RSBN1L: variants seen among roughly 807,000 people sequenced by gnomAD.
RSBN1L encodes the protein lysine-specific demethylase RSBN1L.
Under a neutral mutation model 67.7 loss-of-function variants are expected in RSBN1L, and 30 were observed. The observed-to-expected ratio is 0.44, with a 90% CI of 0.33 to 0.60. The LOEUF is 0.60. Ranked by LOEUF, RSBN1L falls within the 20% of genes least tolerant of loss-of-function variation. The probability of loss-of-function intolerance (pLI) is 0.02; values close to 1 mark genes in which losing one functional copy is unlikely to be tolerated. For synonymous variants in RSBN1L, 433 were observed against 387.0 expected (o/e 1.12, Z -1.39); for missense variants, 992 against 1,031.7 (o/e 0.96, Z 0.53).
intron 1 of RSBN1L, among the ~76,000 whole-genome samples, chr7:77,718,044 G>A (rs1471529898): frequency 6.6e-6 from 1 of 152,116 alleles, no homozygotes; most frequent in Non-Finnish European, 1.5e-5. Context: ...AAGAGATGTA[G>A]GAGAGGAGAT....
chr7:77,761,357 G>A (rs1290900860), intron 3 of RSBN1L, among the ~76,000 whole-genome samples: 2 of 152,132 alleles, frequency 1.3e-5, no homozygotes, highest in South Asian at 2.1e-4. Flanking sequence ...GAACTTTTAT[G>A]AGCCATGGTC....
intron 6 of RSBN1L, among the ~76,000 whole-genome samples, chr7:77,775,512 C>T (rs1562811568): frequency 6.6e-6 from 1 of 152,030 alleles, no homozygotes; most frequent in Non-Finnish European, 1.5e-5. Flanking sequence ...TTTTCTATTG[C>T]ATTTTCATTT....
chr7:77,713,408 G>GT (rs1436586274), intron 1 of RSBN1L, among the ~76,000 whole-genome samples: 1 of 150,820 alleles, frequency 6.6e-6, no homozygotes, highest in East Asian at 2.0e-4. Flanking sequence ...CCAGGCTGGA[G>GT]TGCAGTGGTG....
At position 77,773,330 on chromosome 7, in the gene RSBN1L, G is replaced by A. The variant is rs199928824; in HGVS notation, c.1793+16G>A. ...GTGGAGAGTGGTATATATAACTACC[G>A]CTATTTTAATGAAAGAATTTCTTGG... On this transcript the variant is annotated intron_variant, in intron 6 of 7. Coordinates refer to ENST00000334955, the MANE Select transcript of RSBN1L (RefSeq NM_198467.3). The A allele has an allele frequency of 6.0e-5, 86 of 1,433,170 alleles. No individual in the cohort carries two copies. The Middle Eastern group carries it at 1.1e-3, about 19-fold the overall frequency. 88.8% of individuals were successfully genotyped at this position (1,433,170 alleles called of 1,614,324 possible). A position where few individuals can be genotyped will look rare whatever the true frequency, so the allele number is the denominator to read the frequency against.
chr7:77,780,859 A>G lies in RSBN1L; in HGVS notation c.*1691A>G, dbSNP rs1791989612. ...AGACTCACTATTTGACACTGCTTCT[A>G]CTATTGTAATTAAAAATCAGAAGTC... On this transcript the variant is annotated 3_prime_UTR_variant, in exon 8 of 8. Coordinates refer to ENST00000334955, the MANE Select transcript of RSBN1L (RefSeq NM_198467.3). 1 of 152,186 alleles carries G rather than the reference A, an allele frequency of 6.6e-6. No individual in the cohort carries two copies. Among genetic ancestry groups the G allele is most frequent in the Non-Finnish European group, 1.5e-5 (1 of 68,038 alleles). The allele number at this position is 152,186 out of a possible 1,614,324, so 9.4% of individuals were successfully genotyped here.
In RSBN1L at chr7:77,762,343, G is replaced by A. The variant is rs180774742; in HGVS notation, c.1345-3152G>A. On this transcript the variant is annotated intron_variant, in intron 3 of 7. Transcript: ENST00000334955. ...CAGCAAAAGATAAAGCCTCTTCTTA[G>A]GTAGTGCCCAAACTAGACAGAGAAT... Among the ~76,000 whole-genome samples the A allele has an allele frequency of 5.3e-5, 8 of 152,202 alleles. No homozygotes were observed. In the East Asian group the frequency reaches 1.5e-3, roughly 29 times the overall value.
chr7:77,709,524 A>T (rs756453029), intron 1 of RSBN1L, among the ~76,000 whole-genome samples: 4 of 152,068 alleles, frequency 2.6e-5, no homozygotes, highest in Non-Finnish European at 5.9e-5. Context: ...TCCTGACCTC[A>T]GGTGATCCAC....
intron 1 of RSBN1L, among the ~76,000 whole-genome samples, chr7:77,722,702 T>G (rs1791135378): frequency 6.6e-6 from 1 of 152,044 alleles, no homozygotes; most frequent in African/African-American, 2.4e-5. Context: ...TCTCTTCTTC[T>G]GCCGCTGCTT....
In RSBN1L at chr7:77,722,207, T is replaced by C. The variant is rs187174540; in HGVS notation, c.587-14203T>C. Among the ~76,000 whole-genome samples the C allele has an allele frequency of 6.6e-5, 10 of 152,246 alleles. No individual in the cohort carries two copies. The East Asian group carries it at 7.7e-4, about 12-fold the overall frequency. On this transcript the variant is annotated intron_variant, in intron 1 of 7. Transcript: ENST00000334955. ...GTGTTAAATATTATGGAGATGAAGATGTGGAGTTTGGCAGAGGGGTTGGGT... is the reference window on the plus strand; with the variant it reads ...GTGTTAAATATTATGGAGATGAAGACGTGGAGTTTGGCAGAGGGGTTGGGT...
chr7:77,772,386 C>T lies in RSBN1L; in HGVS notation c.1626-761C>T, dbSNP rs536390781. Among the ~76,000 whole-genome samples the T allele has an allele frequency of 3.3e-5, 5 of 152,306 alleles. No individual in the cohort carries two copies. In the South Asian group the frequency reaches 1.0e-3, roughly 32 times the overall value. ...CGTAGAGGAAGATAAAATGATGACTCTCTGCCAAAGAAATTCTTACCCTTT... is the reference window on the plus strand; with the variant it reads ...CGTAGAGGAAGATAAAATGATGACTTTCTGCCAAAGAAATTCTTACCCTTT... On this transcript the variant is annotated intron_variant, in intron 5 of 7. Transcript: ENST00000334955.
rs370633273 is a variant in RSBN1L at position 77,749,881 on chromosome 7, A to G, written c.1161A>G (p.Leu387=). ...GGTTTGCAGAAGAGTTTGTGGGTCTAGTGTTCAGTGAAAATGAAAACTCTG... is the reference window on the plus strand; with the variant it reads ...GGTTTGCAGAAGAGTTTGTGGGTCTGGTGTTCAGTGAAAATGAAAACTCTG... The part of the protein sequence containing the change: ...MERFAEEFVG[L]VFSENENSAA... Residue 387 remains leucine (L), a synonymous_variant, in exon 3 of 8, where the codon CTA becomes CTG. Transcript: ENST00000334955. The G allele has an allele frequency of 5.0e-6, 8 of 1,614,172 alleles. No homozygotes were observed. Among genetic ancestry groups the G allele is most frequent in the Non-Finnish European group, 6.8e-6 (8 of 1,180,006 alleles).
At chr7:77,744,409 G>T (rs1324641483) in intron 2 of RSBN1L, among the ~76,000 whole-genome samples, 3 of 151,810 alleles carry the variant, frequency 2.0e-5, no homozygotes, top group African/African-American at 7.3e-5. Context: ...TATTTTGATA[G>T]TTCATACCTA....
chr7:77,760,896 A>C lies in RSBN1L; in HGVS notation c.1345-4599A>C, dbSNP rs34116407. On this transcript the variant is annotated intron_variant, in intron 3 of 7. Transcript: ENST00000334955. The stretch of plus-strand genomic sequence containing the variant: ...AATGATCCTCCCGCCTTGGCCTCCC[A>C]AAATGCTGGGATTACAGGCGTGACG... 1.0e-3 allele frequency among the ~76,000 whole-genome samples: 159 copies of C among 152,350 alleles called. 1 individual carries two copies. The highest frequency in any genetic ancestry group is 1.9e-3 in the Non-Finnish European group (130 of 68,026).
intron 1 of RSBN1L, among the ~76,000 whole-genome samples, chr7:77,722,108 A>T: frequency 6.6e-6 from 1 of 152,190 alleles, no homozygotes; most frequent in Non-Finnish European, 1.5e-5. Flanking sequence ...TGGATGTTGG[A>T]TGAGGATGTG....
chr7:77,750,675 G>A (rs918298566), intron 3 of RSBN1L, among the ~76,000 whole-genome samples: 1 of 152,192 alleles, frequency 6.6e-6, no homozygotes. Flanking sequence ...CCATCTGAAA[G>A]GCTGGTGCCA....
At chr7:77,719,104 T>C (rs1004809283) in intron 1 of RSBN1L, among the ~76,000 whole-genome samples, 1 of 152,212 alleles carries the variant, frequency 6.6e-6, no homozygotes, top group Non-Finnish European at 1.5e-5. Context: ...AGTCTTCTTA[T>C]GACTTAGCTT....
intron 1 of RSBN1L, among the ~76,000 whole-genome samples, chr7:77,731,790 A>G (rs1348184850): frequency 4.0e-5 from 6 of 150,472 alleles, no homozygotes; most frequent in Non-Finnish European, 8.8e-5. Context: ...ATCCCTGGTC[A>G]TCTAGATTTT....
intron 3 of RSBN1L, among the ~76,000 whole-genome samples, chr7:77,761,078 G>C (rs1791692401): frequency 6.6e-6 from 1 of 152,236 alleles, no homozygotes; most frequent in Admixed American, 6.5e-5. Context: ...AGGTTTTCCA[G>C]ATAGGCTATT....
In RSBN1L at chr7:77,749,758, ACAACT is replaced by A; in HGVS notation, c.1041_1045del (p.Gln347HisfsTer8). The A allele has an allele frequency of 6.2e-7, 1 of 1,614,218 alleles. No homozygotes were observed. Among genetic ancestry groups the A allele is most frequent in the Non-Finnish European group, 8.5e-7 (1 of 1,180,026 alleles). On this transcript the variant is annotated frameshift_variant, in exon 3 of 8. Transcript: ENST00000334955. LOFTEE classifies it high-confidence loss of function. Reference sequence around the variant, plus strand: ...AAAGGTTGGACACTTTGGAATTTAAACAACTCATTCATATAGAGCACCAGCCTAAT... The same window carrying A: ...AAAGGTTGGACACTTTGGAATTTAAACATTCATATAGAGCACCAGCCTAAT...
Sources: allele counts gnomAD v4.1 joint callset (sites outside exome capture counted in the v4.1 genomes callset), GRCh38; gene constraint gnomAD v4.1.1; transcripts MANE v1.5; gene names NCBI Gene and HGNC (gene_info 2026-07-23, HGNC 2026-07-21).